ANO2: variants seen among roughly 807,000 people sequenced by gnomAD.
ANO2 encodes anoctamin 2.
In ANO2, 101 loss-of-function variants were observed where a neutral mutation model predicts 124.2. The observed-to-expected ratio is 0.81, with a 90% CI of 0.69 to 0.96. ANO2 has a LOEUF of 0.96. Among genes scored for constraint, ANO2 ranks in the 40% least tolerant of loss-of-function variants. ANO2 has a pLI of 0.00. For missense variants in ANO2, 1,293 were observed against 1,274.5 expected, an observed-to-expected ratio of 1.01 and a Z score of -0.22; for synonymous variants, 486 against 482.5, an observed-to-expected ratio of 1.01 and a Z score of -0.09.
chr12:5,788,157 T>C (rs1340921964), intron 10 of ANO2, among the ~76,000 whole-genome samples: 2 of 152,180 alleles, frequency 1.3e-5, no homozygotes, highest in Non-Finnish European at 2.9e-5. Context: ...CTGTTGAATC[T>C]AAGCAAAATG....
Position 5,922,470 on chromosome 12 carries a change from A to C in ANO2, c.207+150T>G, listed in dbSNP as rs1408592117. 11 of 871,270 alleles carry C rather than the reference A, an allele frequency of 1.3e-5. No individual in the cohort carries two copies. The East Asian group carries it at 3.4e-4, about 27-fold the overall frequency. The allele number at this position is 871,270 out of a possible 1,614,324, so 54.0% of individuals were successfully genotyped here. ...GGGAAAGTGTGCCTGACTTGGAGAC[A>C]GAGAAGAGAAAAGGCCCTACCCAAA... On this transcript the variant is annotated intron_variant, in intron 2 of 24. Transcript: ENST00000682330.
At chr12:5,936,878 T>C (rs776963167) in intron 1 of ANO2, among the ~76,000 whole-genome samples, 1 of 152,212 alleles carries the variant, frequency 6.6e-6, no homozygotes, top group South Asian at 2.1e-4. Flanking sequence ...TAATCAAAGC[T>C]CCAGAATTTT....
chr12:5,896,398 T>C (rs765749998), intron 3 of ANO2, among the ~76,000 whole-genome samples: 2 of 152,206 alleles, frequency 1.3e-5, no homozygotes, highest in African/African-American at 2.4e-5. Flanking sequence ...AATGCTCAAA[T>C]TGAGAACCAG....
intron 10 of ANO2, among the ~76,000 whole-genome samples, chr12:5,753,916 C>T (rs921649713): frequency 1.3e-5 from 2 of 152,068 alleles, no homozygotes; most frequent in African/African-American, 4.8e-5. Context: ...AGAAATACCA[C>T]GTTGAATGTG....
intron 16 of ANO2, among the ~76,000 whole-genome samples, chr12:5,619,932 G>A (rs111805708): frequency 0.022 from 3,313 of 152,310 alleles, 114 homozygotes; most frequent in African/African-American, 0.075. Flanking sequence ...CCAACTCAAG[G>A]CCTCGTAAAG....
At chr12:5,643,810 G>A (rs958576287) in intron 15 of ANO2, among the ~76,000 whole-genome samples, 1 of 152,040 alleles carries the variant, frequency 6.6e-6, no homozygotes, top group Non-Finnish European at 1.5e-5. Flanking sequence ...CATTTTATAG[G>A]CTCATTGGCC....
chr12:5,820,268 A>G (rs536276696), intron 7 of ANO2, among the ~76,000 whole-genome samples: 183 of 152,230 alleles, frequency 1.2e-3, no homozygotes, highest in African/African-American at 3.9e-3. Context: ...GTAACTGTGC[A>G]TTGGGGTAAC....
chr12:5,649,616 G>T (rs411575), intron 14 of ANO2, among the ~76,000 whole-genome samples: 63,836 of 151,708 alleles, frequency 0.42, 15,516 homozygotes, highest in African/African-American at 0.66. Context: ...TATTTTTTTG[G>T]GGGGTGGGGA....
At position 5,887,619 on chromosome 12, in the gene ANO2, C is replaced by T. The variant is rs139135758; in HGVS notation, c.534+33421G>A. ...CAGTCATCCAACTAATGTTTTCAGA[C>T]ATCAGTTGTTTCTGAGCACTGTATA... On this transcript the variant is annotated intron_variant, in intron 3 of 24. Coordinates refer to ENST00000682330, the MANE Select transcript of ANO2 (RefSeq NM_001364791.2). Among the ~76,000 whole-genome samples the T allele has an allele frequency of 3.3e-5, 5 of 152,306 alleles. No individual in the cohort carries two copies. In the East Asian group the frequency reaches 9.6e-4, roughly 29 times the overall value.
chr12:5,852,182 C>T (rs534361219), intron 4 of ANO2, among the ~76,000 whole-genome samples: 1 of 152,144 alleles, frequency 6.6e-6, no homozygotes, highest in South Asian at 2.1e-4. Flanking sequence ...ATCATGTTGC[C>T]AGGAACTCCA....
intron 14 of ANO2, among the ~76,000 whole-genome samples, chr12:5,705,909 T>C (rs1350889832): frequency 1.3e-5 from 2 of 152,198 alleles, no homozygotes; most frequent in Non-Finnish European, 2.9e-5. Context: ...AAAAGCCAAA[T>C]GCTGCCAGGT....
At chr12:5,945,722 C>T (rs1432939412), upstream of ANO2, among the ~76,000 whole-genome samples, 1 of 152,262 alleles carries the variant, frequency 6.6e-6, no homozygotes, top group Non-Finnish European at 1.5e-5. Flanking sequence ...GACGGCGGAT[C>T]TCCCACACCT....
In ANO2 at chr12:5,575,892, G is replaced by C; in HGVS notation, c.2563C>G (p.Leu855Val). 3 of 1,613,842 alleles carry C rather than the reference G, an allele frequency of 1.9e-6. No homozygotes were observed. Among genetic ancestry groups the C allele is most frequent in the Non-Finnish European group, 1.7e-6 (2 of 1,179,856 alleles). Residue 855 changes from leucine to valine, a missense_variant, in exon 23 of 25, where the codon CTG (leucine) becomes GTG (valine). By Grantham distance (32) the Leu-to-Val change is conservative. Coordinates refer to ENST00000682330, the MANE Select transcript of ANO2 (RefSeq NM_001364791.2). ...HTLSFFNVSQ[L>V]KEGTQPENSQ... ...TTTTCTGGCTGCGTCCCCTCCTTCA[G>C]CTGGCTGACGTTGAAAAAGGAGAGG... is the stretch of plus-strand genomic sequence containing the variant.
At chr12:5,770,579 C>G (rs981229993) in intron 10 of ANO2, among the ~76,000 whole-genome samples, 9 of 152,114 alleles carry the variant, frequency 5.9e-5, no homozygotes, top group African/African-American at 2.2e-4. Flanking sequence ...TTCAAAAATA[C>G]ACCAAATCCA....
chr12:5,618,306 G>C (rs959861227), intron 16 of ANO2, among the ~76,000 whole-genome samples: 2 of 152,176 alleles, frequency 1.3e-5, no homozygotes, highest in African/African-American at 4.8e-5. Flanking sequence ...GTGCAAAGAG[G>C]AACCATCTGA....
intron 14 of ANO2, among the ~76,000 whole-genome samples, chr12:5,694,696 T>C (rs570680464): frequency 1.3e-5 from 2 of 152,328 alleles, no homozygotes; most frequent in South Asian, 4.1e-4. Context: ...TCTGGAAGTT[T>C]GCAGTGGAGC....
chr12:5,766,053 C>A (rs1208576307), intron 10 of ANO2, among the ~76,000 whole-genome samples: 1 of 152,166 alleles, frequency 6.6e-6, no homozygotes, highest in East Asian at 1.9e-4. Context: ...ATGGAAAATG[C>A]CAAGCATTGG....
At chr12:5,928,707 G>T in intron 1 of ANO2, among the ~76,000 whole-genome samples, 1 of 103,992 alleles carries the variant, frequency 9.6e-6, no homozygotes, top group Non-Finnish European at 1.9e-5. Flanking sequence ...TTCCTTATTA[G>T]TCACTTTCTT....
intron 10 of ANO2, among the ~76,000 whole-genome samples, chr12:5,762,844 T>C (rs1038324047): frequency 6.6e-6 from 1 of 151,950 alleles, no homozygotes; most frequent in African/African-American, 2.4e-5. Flanking sequence ...AAATTTTTTC[T>C]TCGCCTTTTA....
Sources: gnomAD v4.1 joint callset for allele counts (sites outside exome capture counted in the v4.1 genomes callset) on GRCh38, gnomAD v4.1.1 for gene constraint, MANE v1.5 for transcripts, NCBI Gene and HGNC (gene_info 2026-07-23, HGNC 2026-07-21) for gene names.